SYNE1: variants seen among roughly 807,000 people sequenced by gnomAD.
SYNE1 encodes nesprin-1.
In SYNE1, 616 loss-of-function variants were observed where a neutral mutation model predicts 1,111.0. The observed-to-expected ratio is 0.55, with a 90% confidence interval of 0.52 to 0.59. SYNE1 has a LOEUF of 0.59. Ranked by LOEUF, SYNE1 falls within the 20% of genes least tolerant of loss-of-function variation. SYNE1 has a pLI of 0.00. For missense variants in SYNE1, 10,006 were observed against 10,417.0 expected, an observed-to-expected ratio of 0.96 and a Z score of 1.72; for synonymous variants, 3,855 against 3,825.8, an observed-to-expected ratio of 1.01 and a Z score of -0.28.
intron 48 of SYNE1, among the ~76,000 whole-genome samples, chr6:152,398,951 G>A (rs1007953285): frequency 6.6e-6 from 1 of 152,176 alleles, no homozygotes; most frequent in African/African-American, 2.4e-5. Flanking sequence ...TATCTCAGAG[G>A]AAAGACTAAA....
intron 11 of SYNE1, among the ~76,000 whole-genome samples, chr6:152,493,296 C>A (rs1228117379): frequency 6.6e-6 from 1 of 152,014 alleles, no homozygotes; most frequent in Non-Finnish European, 1.5e-5. Context: ...GGTGCCAAAC[C>A]CATATACTCT....
At chr6:152,553,610 A>C (rs1235572355) in intron 3 of SYNE1, among the ~76,000 whole-genome samples, 1 of 152,084 alleles carries the variant, frequency 6.6e-6, no homozygotes, top group African/African-American at 2.4e-5. Context: ...GTCTATCCTC[A>C]TTCTCAGCCC....
intron 11 of SYNE1, among the ~76,000 whole-genome samples, chr6:152,491,923 A>G (rs2098972677): frequency 6.6e-6 from 1 of 151,422 alleles, no homozygotes; most frequent in Non-Finnish European, 1.5e-5. Flanking sequence ...TAATCCTTCT[A>G]TCACCTCCCC....
intron 46 of SYNE1, among the ~76,000 whole-genome samples, chr6:152,403,592 C>G (rs145048544): frequency 1.3e-5 from 2 of 151,992 alleles, no homozygotes; most frequent in Non-Finnish European, 2.9e-5. Context: ...CATGGTGGCA[C>G]GTGCCTGTAG....
Position 152,294,192 on chromosome 6 carries a change from G to A in SYNE1, c.17683-65C>T, listed in dbSNP as rs117379194. The A allele has an allele frequency of 1.5e-4, 231 of 1,558,460 alleles. 4 individuals are homozygous for A. In the East Asian group the frequency reaches 3.9e-3, roughly 26 times the overall value. On this transcript the variant is annotated intron_variant, in intron 93 of 145. Coordinates refer to ENST00000367255, the MANE Select transcript of SYNE1 (RefSeq NM_182961.4). ...CAAAGTCTAGATTAATATGCTCTGG[G>A]TACTGTTGGTCATGTCAAGGAAAGG...
Position 152,329,720 on chromosome 6 carries a change from T to G in SYNE1, c.14955+10A>C. The G allele has an allele frequency of 6.2e-7, 1 of 1,614,212 alleles. No homozygotes were observed. The highest frequency in any genetic ancestry group is 1.1e-5 in the South Asian group (1 of 91,078). On this transcript the variant is annotated intron_variant, in intron 78 of 145. Transcript: ENST00000367255. Reference sequence around the variant, plus strand: ...TGGAAAAAAGAGAAGTGAAGTCCTATTATACCCACCTGTCTGGTGCGTAAG... The same window carrying G: ...TGGAAAAAAGAGAAGTGAAGTCCTAGTATACCCACCTGTCTGGTGCGTAAG...
intron 32 of SYNE1, 136 bp from the exon 33 acceptor site, chr6:152,436,237 T>C: frequency 2.2e-6 from 2 of 894,944 alleles, no homozygotes; most frequent in Non-Finnish European, 3.3e-6. Context: ...TCTTACATTG[T>C]TCTTAACAAT....
At chr6:152,415,699 C>G (rs778277050) in intron 41 of SYNE1, among the ~76,000 whole-genome samples, 3 of 142,336 alleles carry the variant, frequency 2.1e-5, no homozygotes, top group Non-Finnish European at 3.0e-5. Context: ...TCTACATATT[C>G]TTTGCTCATA....
In SYNE1 at chr6:152,416,096, G is replaced by A. The variant is rs2098150424; in HGVS notation, c.6050+291C>T. On this transcript the variant is annotated intron_variant, in intron 41 of 145. Transcript: ENST00000367255. Reference sequence around the variant, plus strand: ...AAGCAGGCAGGGAATAGTCAATTACGAATTCATCTCGTGCTCAGTAAATCA... The same window carrying A: ...AAGCAGGCAGGGAATAGTCAATTACAAATTCATCTCGTGCTCAGTAAATCA... 2.0e-5 allele frequency among the ~76,000 whole-genome samples: 3 copies of A among 152,152 alleles called. No homozygotes were observed. The South Asian group carries it at 6.2e-4, about 32-fold the overall frequency.
chr6:152,221,711 A>T, intron 117 of SYNE1, 152 bp from the exon 118 acceptor site: 1 of 1,040,566 alleles, frequency 9.6e-7, no homozygotes, highest in Non-Finnish European at 1.4e-6. Context: ...AGCTTTCTTT[A>T]GATAATCATT....
intron 4 of SYNE1, 57 bp from the exon 5 acceptor site, chr6:152,526,232 C>G: frequency 6.6e-7 from 1 of 1,522,830 alleles, no homozygotes; most frequent in South Asian, 1.1e-5. Flanking sequence ...CTGTTTCTCT[C>G]TTTCTCTCTC....
rs1336023541 is a variant in SYNE1, at chr6:152,462,908, G to C, written c.2098-18C>G. The C allele has an allele frequency of 2.5e-6, 4 of 1,613,552 alleles. No individual in the cohort carries two copies. The African/African-American group carries it at 4.0e-5, about 16-fold the overall frequency. On this transcript the variant is annotated intron_variant, in intron 19 of 145. Coordinates refer to ENST00000367255, the MANE Select transcript of SYNE1 (RefSeq NM_182961.4). Reference sequence around the variant, plus strand: ...TGAGCATACTGTTAAGGAAAGGGAGGAGGGAACATCGTGAAAGCCATTTAG... The same window carrying C: ...TGAGCATACTGTTAAGGAAAGGGAGCAGGGAACATCGTGAAAGCCATTTAG...
chr6:152,152,992 T>G (rs2060717453), intron 133 of SYNE1, among the ~76,000 whole-genome samples: 1 of 152,160 alleles, frequency 6.6e-6, no homozygotes, highest in African/African-American at 2.4e-5. Context: ...AAATGAAGCT[T>G]TAAAAAAAAT....
rs765010255 is a variant in SYNE1, at chr6:152,441,235, G to A, written c.4044C>T (p.Asn1348=). 1.1e-5 allele frequency: 17 copies of A among 1,610,860 alleles called. No homozygotes were observed. The Admixed American group carries it at 2.8e-4, about 27-fold the overall frequency. The change falls in exon 32 of 146, where the codon AAC becomes AAT. Residue 1348 remains asparagine, a synonymous_variant. Transcript: ENST00000367255. The stretch of plus-strand genomic sequence containing the variant: ...AAAGGTATCTTACTACTGTTTCTTT[G>A]TTTGTTTCAAATCGCTCCCATTTTC... The part of the protein sequence containing the change: ...TLRKWERFET[N]KETVVRYLFQ...
chr6:152,371,591 G>T (rs1416362330), intron 59 of SYNE1, among the ~76,000 whole-genome samples: 1 of 137,378 alleles, frequency 7.3e-6, no homozygotes, highest in East Asian at 2.2e-4. Context: ...GAGAGGGGAG[G>T]GGAGGAGAGG....
rs548345004 is a variant in SYNE1, at chr6:152,418,417, G to A, written c.5421+1152C>T. 2.6e-5 allele frequency among the ~76,000 whole-genome samples: 4 copies of A among 152,260 alleles called. No homozygotes were observed. In the South Asian group the frequency reaches 8.3e-4, roughly 32 times the overall value. ...AGGTAGGAGAAAGTTGCTTTTCCCT[G>A]CCACAGAACCAATTAGTCAACCCAG... is the stretch of plus-strand genomic sequence containing the variant. On this transcript the variant is annotated intron_variant, in intron 40 of 145. Coordinates refer to ENST00000367255, the MANE Select transcript of SYNE1 (RefSeq NM_182961.4).
intron 3 of SYNE1, among the ~76,000 whole-genome samples, chr6:152,583,049 A>G (rs1209426650): frequency 6.6e-6 from 1 of 152,224 alleles, no homozygotes; most frequent in African/African-American, 2.4e-5. Flanking sequence ...CTGAAGTGTT[A>G]TAAATCTTAT....
intron 63 of SYNE1, among the ~76,000 whole-genome samples, chr6:152,362,631 A>T (rs1361444431): frequency 6.6e-6 from 1 of 152,130 alleles, no homozygotes; most frequent in Non-Finnish European, 1.5e-5. Flanking sequence ...ACTGAGAGAG[A>T]TCCCCTGAGT....
chr6:152,404,225 C>T lies in SYNE1; in HGVS notation c.6813G>A (p.Pro2271=), dbSNP rs138911730. 34 of 1,612,126 alleles carry T rather than the reference C, an allele frequency of 2.1e-5. No homozygotes were observed. Among genetic ancestry groups the T allele is most frequent in the Admixed American group, 1.0e-4 (6 of 59,928 alleles). The change falls in exon 46 of 146, where the codon CCG becomes CCA. Residue 2271 remains proline (P), a synonymous_variant. Transcript: ENST00000367255. ...LKELTKNLET[P]PDLQFIEADL... Reference sequence around the variant, plus strand: ...ACAAAATGCTTACCTGAAGGTCTGGCGGTGTTTCTAGATTTTTAGTTAATT... The same window carrying T: ...ACAAAATGCTTACCTGAAGGTCTGGTGGTGTTTCTAGATTTTTAGTTAATT...
Sources: allele counts gnomAD v4.1 joint callset (sites outside exome capture counted in the v4.1 genomes callset), GRCh38; gene constraint gnomAD v4.1.1; transcripts MANE v1.5; gene names NCBI Gene and HGNC (gene_info 2026-07-23, HGNC 2026-07-21).